POTEE: variants seen among roughly 807,000 people sequenced by gnomAD.
POTEE encodes the protein POTE ankyrin domain family member E.
In POTEE, 21 loss-of-function variants were observed where a neutral mutation model predicts 74.2. The observed-to-expected ratio is 0.28, with a 90% CI of 0.20 to 0.41. POTEE has a LOEUF of 0.41. Among genes scored for constraint, POTEE ranks in the 10% least tolerant of loss-of-function variants. The probability of loss-of-function intolerance (pLI) is 1.00; values close to 1 mark genes in which losing one functional copy is unlikely to be tolerated. For synonymous variants in POTEE, 211 were observed against 432.8 expected (o/e 0.49, Z 6.36); for missense variants, 525 against 1,158.6 (o/e 0.45, Z 7.94).
chr2:131,235,989 A>C (rs978631454), intron 9 of POTEE, among the ~76,000 whole-genome samples: 1 of 152,050 alleles, frequency 6.6e-6, no homozygotes, highest in Non-Finnish European at 1.5e-5. Flanking sequence ...GGAGGATTTC[A>C]TTTAGGTTCG....
intron 16 of POTEE, among the ~76,000 whole-genome samples, chr2:131,256,813 AAG>A (rs1180290382): frequency 1.4e-3 from 216 of 150,460 alleles, no homozygotes; most frequent in Non-Finnish European, 2.5e-4. Flanking sequence ...AATGAAAAAA[AAG>A]AGAGATAATG....
intron 9 of POTEE, 58 bp downstream of exon 9, chr2:131,230,964 G>A: frequency 6.5e-7 from 1 of 1,531,880 alleles, no homozygotes; most frequent in Non-Finnish European, 8.8e-7. Context: ...TTTGACACCA[G>A]GGACCGGTTT....
Position 131,226,187 on chromosome 2 carries a change from C to CT in POTEE, c.811-635dup, listed in dbSNP as rs58580454. ...ATAATCAGCATGGCAGTTTTAAACA[C>CT]TAAAAACCATGGAGTTATTAAGAAT... On this transcript the variant is annotated intron_variant, in intron 6 of 17. Transcript: ENST00000683005. Among the ~76,000 whole-genome samples, 921 of 150,784 alleles carry CT rather than the reference C, an allele frequency of 6.1e-3. 5 individuals carry two copies. Among genetic ancestry groups the CT allele is most frequent in the African/African-American group, 0.02 (840 of 40,988 alleles).
intron 9 of POTEE, among the ~76,000 whole-genome samples, chr2:131,235,393 A>G (rs1701096327): frequency 6.6e-6 from 1 of 152,122 alleles, no homozygotes; most frequent in Admixed American, 6.5e-5. Flanking sequence ...GTAAAGATGC[A>G]GTAGAAAAAT....
chr2:131,230,322 T>G (rs535793990), intron 8 of POTEE, among the ~76,000 whole-genome samples: 1 of 152,136 alleles, frequency 6.6e-6, no homozygotes, highest in Non-Finnish European at 1.5e-5. Context: ...GAACAAAATA[T>G]GCATTGGGTT....
chr2:131,213,338 CTTT>C (rs1700393895), intron 2 of POTEE, among the ~76,000 whole-genome samples: 1 of 150,018 alleles, frequency 6.7e-6, no homozygotes, highest in African/African-American at 2.4e-5. Flanking sequence ...TAGGTGTGAA[CTTT>C]TTATCTTTAT....
At chr2:131,219,662 G>A (rs906948368) in intron 4 of POTEE, among the ~76,000 whole-genome samples, 5 of 151,972 alleles carry the variant, frequency 3.3e-5, no homozygotes, top group African/African-American at 1.2e-4. Flanking sequence ...GCGTGAACCC[G>A]GGAGGTGGAG....
At chr2:131,233,640 G>T in intron 9 of POTEE, among the ~76,000 whole-genome samples, 2 of 138,946 alleles carry the variant, frequency 1.4e-5, no homozygotes, top group Non-Finnish European at 1.5e-5. Context: ...CATTTGTTTT[G>T]CTTAATTTTT....
rs1247430832 is a variant in POTEE at position 131,229,372 on chromosome 2, G to C, written c.1055+991G>C. On this transcript the variant is annotated intron_variant, in intron 8 of 17. Coordinates refer to ENST00000683005, the MANE Select transcript of POTEE (RefSeq NM_001083538.3). ...CAGTAGAAAGTCCCATATGAACCTT[G>C]CCCTGAGCAGTGGCTCCCAGCTGTG... Among the ~76,000 whole-genome samples, 8 of 152,166 alleles carry C rather than the reference G, an allele frequency of 5.3e-5. No homozygotes were observed. In the East Asian group the frequency reaches 5.8e-4, roughly 11 times the overall value.
chr2:131,219,469 G>A (rs979950686), intron 4 of POTEE, among the ~76,000 whole-genome samples: 6 of 151,968 alleles, frequency 3.9e-5, no homozygotes, highest in Admixed American at 6.6e-5. Flanking sequence ...GGCTGGGCGC[G>A]GTGGCTCACG....
At position 131,225,054 on chromosome 2, in the gene POTEE, A is replaced by C. The variant is rs563348982; in HGVS notation, c.810+1011A>C. ...TCCTACTCCTTACTCTTTTTGGCCA[A>C]ATCTTCAAATGAGAAAGGGAATTGG... On this transcript the variant is annotated intron_variant, in intron 6 of 17. Transcript: ENST00000683005. Among the ~76,000 whole-genome samples the C allele has an allele frequency of 9.2e-5, 14 of 152,274 alleles. No homozygotes were observed. In the East Asian group the frequency reaches 2.7e-3, roughly 29 times the overall value.
At chr2:131,237,495 T>C (rs1301616612) in intron 10 of POTEE, among the ~76,000 whole-genome samples, 1 of 151,826 alleles carries the variant, frequency 6.6e-6, no homozygotes, top group Non-Finnish European at 1.5e-5. Flanking sequence ...CACAATAACA[T>C]TCTAATTTAT....
chr2:131,219,794 T>C (rs1001257719), intron 4 of POTEE, among the ~76,000 whole-genome samples: 1 of 151,844 alleles, frequency 6.6e-6, no homozygotes, highest in Non-Finnish European at 1.5e-5. Flanking sequence ...CTAAGCCAAA[T>C]AAAAATAGCA....
intron 9 of POTEE, among the ~76,000 whole-genome samples, chr2:131,236,020 A>C (rs1573721167): frequency 6.6e-6 from 1 of 152,090 alleles, no homozygotes; most frequent in Non-Finnish European, 1.5e-5. Flanking sequence ...GCAGATTTGC[A>C]TCCGAAAGCT....
At chr2:131,211,520 CTGTG>C (rs369206786) in intron 2 of POTEE, among the ~76,000 whole-genome samples, 8 of 50,274 alleles carry the variant, frequency 1.6e-4, no homozygotes, top group African/African-American at 4.0e-4. Context: ...TAGGGGGTGA[CTGTG>C]TGTGTGTGTG....
chr2:131,232,955 C>A (rs1701010880), intron 9 of POTEE, among the ~76,000 whole-genome samples: 1 of 152,072 alleles, frequency 6.6e-6, no homozygotes, highest in South Asian at 2.1e-4. Flanking sequence ...CATGCTCATT[C>A]CCAAACCAGG....
intron 2 of POTEE, among the ~76,000 whole-genome samples, chr2:131,215,483 G>T (rs1049037305): frequency 6.6e-6 from 1 of 151,574 alleles, no homozygotes; most frequent in African/African-American, 2.4e-5. Flanking sequence ...CAAGACTTAC[G>T]CTAGAACTTT....
chr2:131,211,237 T>C (rs1473006941), intron 2 of POTEE, among the ~76,000 whole-genome samples, 54 bp downstream of exon 2: 1 of 151,890 alleles, frequency 6.6e-6, no homozygotes, highest in Non-Finnish European at 1.5e-5. Context: ...GGTGGGCTGC[T>C]GCATTGACGG....
In POTEE at chr2:131,263,377, A is replaced by G; in HGVS notation, c.1922A>G (p.Glu641Gly). 2 of 1,611,714 alleles carry G rather than the reference A, an allele frequency of 1.2e-6. No homozygotes were observed. Among genetic ancestry groups the G allele is most frequent in the Admixed American group, 1.7e-5 (1 of 59,986 alleles). The change falls in exon 18 of 18, where the codon GAA (glutamate) becomes GGA (glycine). Residue 641 changes from glutamate to glycine, a missense_variant. Glu to Gly is a moderately conservative substitution (Grantham distance 98, BLOSUM62 -2). Coordinates refer to ENST00000683005, the MANE Select transcript of POTEE (RefSeq NM_001083538.3). Reference protein sequence around the residue: ...NSELSLSCKKEKDVLHENSTL... With the variant: ...NSELSLSCKKGKDVLHENSTL... ...TAGCTTTCTCTTAGTTGTAAGAAAG[A>G]AAAAGACGTCTTGCATGAAAATAGT...
Sources: allele counts gnomAD v4.1 joint callset (sites outside exome capture counted in the v4.1 genomes callset), GRCh38; gene constraint gnomAD v4.1.1; transcripts MANE v1.5; gene names NCBI Gene and HGNC (gene_info 2026-07-23, HGNC 2026-07-21).